The following SCMH1 variants were observed in gnomAD, a reference collection of about 807,000 sequenced individuals.
The protein encoded by SCMH1 is Scm polycomb group protein homolog 1.
Under a neutral mutation model 70.8 loss-of-function variants are expected in SCMH1, and 37 were observed. That is an observed-to-expected ratio of 0.52 (90% CI 0.40 to 0.69). The LOEUF (loss-of-function observed/expected upper bound fraction) is 0.69, where lower values mean the gene tolerates loss of function less well. SCMH1 is among the 30% of genes least tolerant of loss of function. The pLI, the probability that SCMH1 is intolerant of heterozygous loss-of-function variation, is 0.00. For missense variants in SCMH1, 607 were observed against 827.3 expected, an observed-to-expected ratio of 0.73 and a Z score of 3.27; for synonymous variants, 292 against 307.4, an observed-to-expected ratio of 0.95 and a Z score of 0.52.
At chr1:41,191,961 T>C (rs1222285857) in intron 1 of SCMH1, among the ~76,000 whole-genome samples, 2 of 152,180 alleles carry the variant, frequency 1.3e-5, no homozygotes, top group Non-Finnish European at 2.9e-5. Flanking sequence ...TCACTGCTAA[T>C]CTATATCTCA....
In SCMH1 at chr1:41,137,737, G is replaced by A. The variant is rs561134509; in HGVS notation, c.412+5141C>T. On this transcript the variant is annotated intron_variant, in intron 6 of 14. Coordinates refer to ENST00000337495, the Ensembl canonical transcript of SCMH1. ...ACCACAGTGATTTCTCTGTCATTGA[G>A]AGAACACAGCCCTATACCTCAGCCC... Among the ~76,000 whole-genome samples the A allele has an allele frequency of 4.6e-5, 7 of 152,306 alleles. No individual in the cohort carries two copies. In the East Asian group the frequency reaches 9.6e-4, roughly 21 times the overall value.
At chr1:41,147,890 A>G (rs974958513) in intron 5 of SCMH1, among the ~76,000 whole-genome samples, 2 of 152,172 alleles carry the variant, frequency 1.3e-5, no homozygotes, top group Non-Finnish European at 2.9e-5. Flanking sequence ...TTTTCCAATC[A>G]TAGCAAGCTC....
intron 6 of SCMH1, among the ~76,000 whole-genome samples, chr1:41,129,495 C>T (rs927178061): frequency 3.9e-5 from 6 of 152,280 alleles, no homozygotes; most frequent in Middle Eastern, 6.8e-3. Flanking sequence ...AGCATGTCGT[C>T]GAGGTTCACC....
exon 15 of SCMH1, chr1:41,027,892 T>G: frequency 2.8e-6 from 1 of 351,326 alleles, no homozygotes; most frequent in East Asian, 5.4e-5. Context: ...GTGGAAGGCA[T>G]TCAGCCTAAA....
At chr1:41,097,098 T>G (rs945059780) in intron 8 of SCMH1, among the ~76,000 whole-genome samples, 1 of 152,222 alleles carries the variant, frequency 6.6e-6, no homozygotes, top group South Asian at 2.1e-4. Flanking sequence ...AAAATGTATA[T>G]CTAGAAATCA....
At chr1:41,131,713 C>G (rs1674767789) in intron 6 of SCMH1, among the ~76,000 whole-genome samples, 1 of 152,074 alleles carries the variant, frequency 6.6e-6, no homozygotes, top group African/African-American at 2.4e-5. Context: ...AGCCTCCCAC[C>G]CCCCAGCAGG....
At chr1:41,144,233 C>T (rs577829944) in intron 5 of SCMH1, among the ~76,000 whole-genome samples, 1 of 152,082 alleles carries the variant, frequency 6.6e-6, no homozygotes, top group Non-Finnish European at 1.5e-5. Flanking sequence ...CAAAATGAAC[C>T]CCCTGCCCCA....
At chr1:41,215,745 A>G (rs1657945417) in intron 1 of SCMH1, among the ~76,000 whole-genome samples, 1 of 152,094 alleles carries the variant, frequency 6.6e-6, no homozygotes, top group African/African-American at 2.4e-5. Flanking sequence ...TTTAAATACC[A>G]TATTAAAATT....
chr1:41,188,898 A>G (rs1650957103), intron 1 of SCMH1, among the ~76,000 whole-genome samples: 1 of 152,226 alleles, frequency 6.6e-6, no homozygotes, highest in African/African-American at 2.4e-5. Flanking sequence ...CTAGAAATGG[A>G]AACTGGAAAA....
At chr1:41,224,711 G>A (rs1478025011) in intron 1 of SCMH1, among the ~76,000 whole-genome samples, 2 of 152,158 alleles carry the variant, frequency 1.3e-5, no homozygotes, top group East Asian at 1.9e-4. Flanking sequence ...TAAAGTCATA[G>A]AGCTGATAGT....
chr1:41,148,862 C>T (rs575206486), intron 5 of SCMH1, among the ~76,000 whole-genome samples: 1 of 152,264 alleles, frequency 6.6e-6, no homozygotes, highest in East Asian at 1.9e-4. Context: ...ATGATCTCAG[C>T]TCACTGCAAG....
At chr1:41,162,046 G>A (rs541493843) in intron 2 of SCMH1, among the ~76,000 whole-genome samples, 2 of 152,258 alleles carry the variant, frequency 1.3e-5, no homozygotes, top group South Asian at 2.1e-4. Context: ...GCCATCCTGG[G>A]TGCAGCTGCA....
intron 4 of SCMH1, among the ~76,000 whole-genome samples, chr1:41,154,667 G>C (rs1645358234): frequency 6.6e-6 from 1 of 152,182 alleles, no homozygotes; most frequent in African/African-American, 2.4e-5. Flanking sequence ...GTTGTCTTGA[G>C]ATTGCAGAAC....
At chr1:41,144,214 T>G (rs213751) in intron 5 of SCMH1, among the ~76,000 whole-genome samples, 114,065 of 151,946 alleles carry the variant, frequency 0.75, 43,363 homozygotes, top group African/African-American at 0.87. Context: ...AACATTTCCA[T>G]AATCCCCTCA....
rs1424037926 is a variant in SCMH1 at position 41,209,501 on chromosome 1, C to T, written c.-117-23251G>A. ...TGGCAAACCGAACTCAGCAGCACAT[C>T]GAAAAGCTTATCCACCACAATCAAG... On this transcript the variant is annotated intron_variant, in intron 1 of 14. Coordinates refer to ENST00000337495, the Ensembl canonical transcript of SCMH1. 2.6e-5 allele frequency among the ~76,000 whole-genome samples: 4 copies of T among 152,172 alleles called. 1 individual carries two copies. The South Asian group carries it at 6.2e-4, about 24-fold the overall frequency.
At chr1:41,142,371 C>T (rs1273041295) in intron 6 of SCMH1, among the ~76,000 whole-genome samples, 1 of 152,046 alleles carries the variant, frequency 6.6e-6, no homozygotes, top group Admixed American at 6.5e-5. Context: ...GAAAGAAAAA[C>T]CTAGTGAGGT....
intron 13 of SCMH1, among the ~76,000 whole-genome samples, chr1:41,033,119 C>CT (rs1358205860): frequency 1.3e-5 from 2 of 152,044 alleles, no homozygotes; most frequent in Non-Finnish European, 2.9e-5. Context: ...TGGTGAAACT[C>CT]TGTCTCTGCA....
At chr1:41,083,224 C>A (rs571157273) in intron 8 of SCMH1, among the ~76,000 whole-genome samples, 4 of 152,260 alleles carry the variant, frequency 2.6e-5, no homozygotes, top group South Asian at 2.1e-4. Context: ...ATCTAGAAAA[C>A]CCCATTGTCT....
chr1:41,163,890 G>A lies in SCMH1; in HGVS notation c.14-2458C>T, dbSNP rs1646237533. ...TGGTTATCTTTGGGTGGTAGTACTG[G>A]GTTCCCTGACACTGCACCCACTTTC... On this transcript the variant is annotated intron_variant, in intron 2 of 14. Coordinates refer to ENST00000337495, the Ensembl canonical transcript of SCMH1. Among the ~76,000 whole-genome samples, 2 of 152,080 alleles carry A rather than the reference G, an allele frequency of 1.3e-5. 1 individual carries two copies. The highest frequency in any genetic ancestry group is 4.2e-4 in the South Asian group (2 of 4,818).
Sources: gnomAD v4.1 joint callset for allele counts (sites outside exome capture counted in the v4.1 genomes callset) on GRCh38, gnomAD v4.1.1 for gene constraint, MANE v1.5 for transcripts, NCBI Gene and HGNC (gene_info 2026-07-23, HGNC 2026-07-21) for gene names.